ATAD2B: variants seen among roughly 807,000 people sequenced by gnomAD.
ATAD2B encodes the protein ATPase family AAA domain-containing protein 2B.
A neutral mutation model predicts 167.6 loss-of-function variants in ATAD2B; 40 were observed. The ratio of observed to expected loss-of-function variants is 0.24; its 90% CI spans 0.19 to 0.31. The LOEUF is 0.31. ATAD2B is among the 10% of genes least tolerant of loss of function. The probability of loss-of-function intolerance (pLI) is 1.00; values close to 1 mark genes in which losing one functional copy is unlikely to be tolerated. For missense variants in ATAD2B, 1,242 were observed against 1,757.2 expected, an observed-to-expected ratio of 0.71 and a Z score of 5.24; for synonymous variants, 579 against 596.5, an observed-to-expected ratio of 0.97 and a Z score of 0.43.
intron 15 of ATAD2B, among the ~76,000 whole-genome samples, chr2:23,827,638 G>T (rs1274384074): frequency 6.6e-6 from 1 of 152,172 alleles, no homozygotes; most frequent in Non-Finnish European, 1.5e-5. Context: ...AAAGGGAAAA[G>T]ACTGGATTTT....
At position 23,895,933 on chromosome 2, in the gene ATAD2B, A is replaced by G. The variant is rs1245873642; in HGVS notation, c.254T>C (p.Val85Ala). 1 of 1,613,250 alleles carries G rather than the reference A, an allele frequency of 6.2e-7. No homozygotes were observed. The highest frequency in any genetic ancestry group is 1.3e-5 in the African/African-American group (1 of 74,910). ...CAAAGTGCGTTTGGCTGGAGGAGATACGTGGCTATCACTTAAACTACCATC... is the reference window on the plus strand; with the variant it reads ...CAAAGTGCGTTTGGCTGGAGGAGATGCGTGGCTATCACTTAAACTACCATC... ...EVDGSLSDSH[V>A]SPPAKRTLKQ... is the part of the protein sequence containing the mutation. Residue 85 changes from valine to alanine, a missense_variant, in exon 2 of 28, where the codon GTA becomes GCA. Coordinates refer to ENST00000238789, the MANE Select transcript of ATAD2B (RefSeq NM_017552.4).
chr2:23,772,419 C>T (rs1282817010), intron 22 of ATAD2B, among the ~76,000 whole-genome samples: 1 of 152,042 alleles, frequency 6.6e-6, no homozygotes, highest in Non-Finnish European at 1.5e-5. Context: ...GTTGACAATA[C>T]AATGTTTGTA....
chr2:23,829,010 C>G (rs181946064), intron 14 of ATAD2B, 71 bp from the exon 15 acceptor site: 1 of 1,021,198 alleles, frequency 9.8e-7, no homozygotes, highest in Non-Finnish European at 1.5e-6. Flanking sequence ...TTATCAATCC[C>G]TCAAATACGT....
the ATAD2B span, among the ~76,000 whole-genome samples, chr2:23,686,597 C>T: frequency 6.6e-6 from 1 of 152,052 alleles, no homozygotes; most frequent in Middle Eastern, 3.2e-3. Context: ...CATCAGAGGT[C>T]ACGGGCATCA....
the ATAD2B span, among the ~76,000 whole-genome samples, chr2:23,694,384 G>A: frequency 1.3e-5 from 2 of 151,612 alleles, no homozygotes; most frequent in South Asian, 2.1e-4. Flanking sequence ...TCCTCCTCTC[G>A]CCAGGATTAC....
chr2:23,922,776 A>T (rs561447318), intron 1 of ATAD2B, among the ~76,000 whole-genome samples: 5 of 151,868 alleles, frequency 3.3e-5, no homozygotes, highest in Non-Finnish European at 7.4e-5. Flanking sequence ...ATTACTAATC[A>T]TCAGGGAAAT....
intron 10 of ATAD2B, among the ~76,000 whole-genome samples, chr2:23,865,148 C>A (rs757192012): frequency 6.6e-6 from 1 of 152,066 alleles, no homozygotes; most frequent in African/African-American, 2.4e-5. Flanking sequence ...TAACTCAGAA[C>A]CAGGATTAAT....
chr2:23,870,860 T>G (rs922246278), intron 8 of ATAD2B, among the ~76,000 whole-genome samples: 1 of 152,108 alleles, frequency 6.6e-6, no homozygotes, highest in Non-Finnish European at 1.5e-5. Context: ...TAACCAGAAC[T>G]ACTATGGAGA....
At chr2:23,805,795 T>A (rs866252589) in intron 18 of ATAD2B, among the ~76,000 whole-genome samples, 2 of 100,958 alleles carry the variant, frequency 2.0e-5, no homozygotes, top group African/African-American at 6.8e-5. Context: ...TATCAAGCTT[T>A]AAAAAAAAAA....
the ATAD2B span, among the ~76,000 whole-genome samples, chr2:23,719,741 T>C: frequency 1.3e-5 from 2 of 152,218 alleles, no homozygotes; most frequent in Non-Finnish European, 2.9e-5. Flanking sequence ...CTTACGTTCC[T>C]GGCAGGAGTC....
the ATAD2B span, among the ~76,000 whole-genome samples, chr2:23,740,245 C>T: frequency 0.12 from 18,193 of 152,062 alleles, 1,162 homozygotes; most frequent in Middle Eastern, 0.22. Context: ...AGAGACACAA[C>T]CAAAAAAGAG....
chr2:23,818,122 T>TTA (rs1686793849), intron 17 of ATAD2B, among the ~76,000 whole-genome samples: 2 of 43,464 alleles, frequency 4.6e-5, no homozygotes, highest in Non-Finnish European at 1.0e-4. Context: ...CACACACACA[T>TTA]TACACACACA....
At position 23,751,909 on chromosome 2, in the gene ATAD2B, A is replaced by G; in HGVS notation, c.*137T>C. 1.4e-6 allele frequency: 1 copy of G among 722,538 alleles called. No homozygotes were observed. Among genetic ancestry groups the G allele is most frequent in the Non-Finnish European group, 2.3e-6 (1 of 433,104 alleles). 44.8% of individuals were successfully genotyped at this position (722,538 alleles called of 1,614,324 possible). ...ACCTGAGACAATAGCACCAAATTCAACAGAGAGAAAGAATGAGTGAGAGAG... is the reference window on the plus strand; with the variant it reads ...ACCTGAGACAATAGCACCAAATTCAGCAGAGAGAAAGAATGAGTGAGAGAG... On this transcript the variant is annotated 3_prime_UTR_variant, in exon 28 of 28. Coordinates refer to ENST00000238789, the MANE Select transcript of ATAD2B (RefSeq NM_017552.4).
chr2:23,692,412 G>A, the ATAD2B span, among the ~76,000 whole-genome samples: 28 of 152,340 alleles, frequency 1.8e-4, no homozygotes, highest in South Asian at 4.4e-3. Context: ...CTGCCTTTAC[G>A]CTTGATGCTA....
At chr2:23,768,235 C>T (rs1677748313) in intron 22 of ATAD2B, among the ~76,000 whole-genome samples, 1 of 152,072 alleles carries the variant, frequency 6.6e-6, no homozygotes, top group South Asian at 2.1e-4. Context: ...ATTACCACAA[C>T]AATAAAGATA....
At chr2:23,880,518 G>A (rs1452888632) in intron 7 of ATAD2B, 121 bp downstream of exon 7, 24 of 609,924 alleles carry the variant, frequency 3.9e-5, no homozygotes, top group South Asian at 6.2e-5. Context: ...AACTGGGATC[G>A]CACCACTGCA....
chr2:23,783,698 T>C (rs1053608001), intron 21 of ATAD2B, among the ~76,000 whole-genome samples: 8 of 152,104 alleles, frequency 5.3e-5, no homozygotes, highest in Admixed American at 5.2e-4. Context: ...TATTACGTCA[T>C]GATTTGCCCA....
chr2:23,687,673 T>C, the ATAD2B span, among the ~76,000 whole-genome samples: 1 of 152,262 alleles, frequency 6.6e-6, no homozygotes, highest in South Asian at 2.1e-4. Flanking sequence ...GAGAGGCTCC[T>C]TGGAGAGGTG....
intron 20 of ATAD2B, among the ~76,000 whole-genome samples, chr2:23,787,046 G>GAAAAAAAAAAAAAAAAAAAAA (rs367703424): frequency 7.4e-6 from 1 of 136,040 alleles, no homozygotes. Context: ...GGAAGGGAGG[G>GAAAAAAAAAAAAAAAAAAAAA]AAAAAAAAAA....
Sources: allele counts gnomAD v4.1 joint callset (sites outside exome capture counted in the v4.1 genomes callset), GRCh38; gene constraint gnomAD v4.1.1; transcripts MANE v1.5; gene names NCBI Gene and HGNC (gene_info 2026-07-23, HGNC 2026-07-21).